RMC1: variants seen among roughly 807,000 people sequenced by gnomAD.
RMC1 encodes regulator of MON1-CCZ1, also known as regulator of MON1-CCZ1 complex.
Under a neutral mutation model 95.5 loss-of-function variants are expected in RMC1, and 44 were observed. The observed-to-expected ratio is 0.46, with a 90% confidence interval of 0.36 to 0.59. RMC1 has a LOEUF of 0.59. Among genes scored for constraint, RMC1 ranks in the 20% least tolerant of loss-of-function variants. The pLI, the probability that RMC1 is intolerant of heterozygous loss-of-function variation, is 0.00. For synonymous variants in RMC1, 320 were observed against 303.6 expected (o/e 1.05, Z -0.56); for missense variants, 705 against 819.6 (o/e 0.86, Z 1.71).
intron 5 of RMC1, 119 bp from the exon 6 acceptor site, chr18:23,515,737 T>A (rs2057984861): frequency 8.7e-7 from 1 of 1,149,282 alleles, no homozygotes; most frequent in Non-Finnish European, 1.2e-6. Flanking sequence ...TTTACCATTT[T>A]GTCCAGGCTG....
In RMC1 at chr18:23,530,495, G is replaced by A. The variant is rs1375779638; in HGVS notation, c.1777G>A (p.Ala593Thr). 1.9e-6 allele frequency: 3 copies of A among 1,614,122 alleles called. No individual in the cohort carries two copies. Among genetic ancestry groups the A allele is most frequent in the Non-Finnish European group, 2.5e-6 (3 of 1,180,044 alleles). ...RGIGGHDNIS[A>T]RKFLDAAKQT... is the part of the protein sequence containing the mutation. ...CATTGGTGGCCATGACAACATTTCT[G>A]CACGAAAATTTTTAGATGCTGCAAA... Residue 593 changes from alanine (A) to threonine (T), a missense_variant, in exon 19 of 20, where the codon GCA (alanine) becomes ACA (threonine). By Grantham distance (58) the Ala-to-Thr change is moderately conservative (BLOSUM62 0). Coordinates refer to ENST00000269221, the MANE Select transcript of RMC1 (RefSeq NM_013326.5).
intron 3 of RMC1, 97 bp downstream of exon 3, chr18:23,507,151 T>G (rs537441119): frequency 1.8e-5 from 15 of 816,696 alleles, no homozygotes; most frequent in Non-Finnish European, 3.0e-5. Flanking sequence ...AAACTTTTAT[T>G]ATCTTACTGT....
chr18:23,524,745 A>G (rs543879365), intron 12 of RMC1, among the ~76,000 whole-genome samples: 146 of 151,628 alleles, frequency 9.6e-4, no homozygotes, highest in Non-Finnish European at 1.6e-3. Context: ...GCCAGACTCC[A>G]CCCCAGGGTG....
At chr18:23,522,935 TG>T (rs1213827097) in intron 10 of RMC1, 23 of 152,440 alleles carry the variant, frequency 1.5e-4, no homozygotes, top group African/African-American at 5.5e-4. Flanking sequence ...CCAGCACTTT[TG>T]GGAAGAGTCA....
intron 6 of RMC1, 69 bp downstream of exon 6, chr18:23,516,065 G>A: frequency 6.2e-7 from 1 of 1,605,182 alleles, no homozygotes; most frequent in Admixed American, 1.7e-5. Context: ...GCATCCTAAT[G>A]TGTCAGGCAC....
intron 5 of RMC1, among the ~76,000 whole-genome samples, chr18:23,512,244 C>A (rs1213993803): frequency 1.3e-5 from 2 of 152,014 alleles, no homozygotes; most frequent in Non-Finnish European, 1.5e-5. Flanking sequence ...TGGTCTTGAA[C>A]CCCTGGCCTC....
chr18:23,516,099 G>T (rs1035863297), intron 6 of RMC1, 103 bp downstream of exon 6: 14 of 1,534,202 alleles, frequency 9.1e-6, no homozygotes, highest in Non-Finnish European at 1.2e-5. Flanking sequence ...TCCTCTAGCC[G>T]TAACGTCACC....
rs538576941 is a variant in RMC1 at position 23,512,664 on chromosome 18, T to A, written c.409-3192T>A. Among the ~76,000 whole-genome samples the A allele has an allele frequency of 5.3e-5, 8 of 151,922 alleles. 1 individual carries two copies. Among genetic ancestry groups the A allele is most frequent in the Non-Finnish European group, 8.8e-5 (6 of 67,982 alleles). On this transcript the variant is annotated intron_variant, in intron 5 of 19. Coordinates refer to ENST00000269221, the MANE Select transcript of RMC1 (RefSeq NM_013326.5). ...CTAGACTGGTCTTGAACTCCTAGGT[T>A]CAAGCCATTCTTCTGCCTTGGCCTC...
Position 23,503,590 on chromosome 18 carries a change from G to A in RMC1, c.-29G>A, listed in dbSNP as rs118114626. 32,701 of 1,529,352 alleles carry A rather than the reference G, an allele frequency of 0.021. 2,016 individuals are homozygous for A. The East Asian group carries it at 0.28, about 13-fold the overall frequency. The allele number at this position is 1,529,352 out of a possible 1,614,324, so 94.7% of individuals were successfully genotyped here. On this transcript the variant is annotated 5_prime_UTR_variant, in exon 1 of 20. Transcript: ENST00000269221. ...TGCTCCACTCTGGCGACCGCCCCCG[G>A]GGCCCCCGCCGCGGGCGCGGCGCCC... is the stretch of plus-strand genomic sequence containing the variant.
intron 10 of RMC1, among the ~76,000 whole-genome samples, chr18:23,521,047 G>A (rs2356683): frequency 0.5 from 75,937 of 151,830 alleles, 19,191 homozygotes; most frequent in East Asian, 0.61. Flanking sequence ...TAGAGATGGG[G>A]TTTCACCATG....
intron 10 of RMC1, among the ~76,000 whole-genome samples, 162 bp from the exon 11 acceptor site, chr18:23,523,968 G>A (rs896286390): frequency 2.0e-5 from 3 of 151,968 alleles, no homozygotes; most frequent in African/African-American, 7.3e-5. Flanking sequence ...CTTCCTCCCC[G>A]TACGTGCTTT....
chr18:23,518,819 C>A, intron 7 of RMC1, 71 bp from the exon 8 acceptor site: 2 of 1,368,874 alleles, frequency 1.5e-6, no homozygotes, highest in Non-Finnish European at 2.1e-6. Flanking sequence ...TTTACTTAAC[C>A]GTGATGCCAT....
chr18:23,510,019 T>TAA (rs531660350), intron 5 of RMC1, among the ~76,000 whole-genome samples: 1 of 132,312 alleles, frequency 7.6e-6, no homozygotes, highest in Non-Finnish European at 1.6e-5. Flanking sequence ...AGTAATAAAT[T>TAA]AAAAAAAAAA....
chr18:23,507,345 G>T (rs530471003), intron 3 of RMC1, among the ~76,000 whole-genome samples: 1 of 151,982 alleles, frequency 6.6e-6, no homozygotes, highest in Non-Finnish European at 1.5e-5. Flanking sequence ...CTGCAGCCTC[G>T]ATCTCTCAGG....
chr18:23,527,430 A>G (rs555453035), intron 13 of RMC1, among the ~76,000 whole-genome samples: 6 of 151,332 alleles, frequency 4.0e-5, no homozygotes, highest in African/African-American at 9.7e-5. Context: ...TCCCCTACCA[A>G]TATGTGCTGT....
intron 5 of RMC1, among the ~76,000 whole-genome samples, chr18:23,510,315 C>T (rs2057818815): frequency 6.7e-6 from 1 of 150,316 alleles, no homozygotes; most frequent in South Asian, 2.1e-4. Flanking sequence ...ACAGTGAGAC[C>T]CCATCTCAAA....
chr18:23,527,629 G>T (rs2058344034), intron 13 of RMC1, among the ~76,000 whole-genome samples, 166 bp from the exon 14 acceptor site: 1 of 150,172 alleles, frequency 6.7e-6, no homozygotes, highest in Non-Finnish European at 1.5e-5. Context: ...ACCAGAAAGG[G>T]GTTGCGAATG....
intron 19 of RMC1, chr18:23,531,336 A>C (rs1434801047): frequency 5.7e-6 from 2 of 350,870 alleles, no homozygotes; most frequent in Non-Finnish European, 9.8e-6. Flanking sequence ...CTAAGACATC[A>C]TCTTTAGGAT....
rs2057733041 is a variant in RMC1, at chr18:23,507,030, T to C, written c.240T>C (p.Ala80=). 1 of 1,608,434 alleles carries C rather than the reference T, an allele frequency of 6.2e-7. No individual in the cohort carries two copies. Among genetic ancestry groups the C allele is most frequent in the Non-Finnish European group, 8.5e-7 (1 of 1,176,842 alleles). The part of the protein sequence containing the change: ...IKFSLENKIL[A]VQRTSKTVDF... ...TTTCCTTAGAAAATAAGATATTGGC[T>C]GTTCAGAGGACCTCAAAGACTGTGG... The change falls in exon 3 of 20, where the codon GCT becomes GCC. Residue 80 remains alanine (A), a synonymous_variant. Transcript: ENST00000269221.
Sources: gnomAD v4.1 joint callset for allele counts (sites outside exome capture counted in the v4.1 genomes callset) on GRCh38, gnomAD v4.1.1 for gene constraint, MANE v1.5 for transcripts, NCBI Gene and HGNC (gene_info 2026-07-23, HGNC 2026-07-21) for gene names.